TRPC5: variants seen among roughly 807,000 people sequenced by gnomAD.
The protein encoded by TRPC5 is transient receptor potential cation channel subfamily C member 5.
In TRPC5, 9 loss-of-function variants were observed where a neutral mutation model predicts 56.5. The ratio of observed to expected loss-of-function variants is 0.16; its 90% CI spans 0.10 to 0.28. The LOEUF (loss-of-function observed/expected upper bound fraction) is 0.28. Among genes scored for constraint, TRPC5 ranks in the 10% least tolerant of loss-of-function variants. TRPC5 has a pLI of 1.00. For missense variants in TRPC5, 469 were observed against 748.9 expected, an observed-to-expected ratio of 0.63 and a Z score of 4.36; for synonymous variants, 282 against 278.5, an observed-to-expected ratio of 1.01 and a Z score of -0.13.
chrX:112,034,119 T>C (rs1361089852), intron 1 of TRPC5, among the ~76,000 whole-genome samples: 3 of 111,420 alleles, frequency 2.7e-5, no homozygotes, highest in Non-Finnish European at 5.6e-5. Context: ...TTGGGGACCC[T>C]TGCAATTTGA....
At chrX:111,886,258 C>A (rs372110975) in intron 3 of TRPC5, among the ~76,000 whole-genome samples, 2 of 112,325 alleles carry the variant, frequency 1.8e-5, no homozygotes, top group Non-Finnish European at 3.8e-5. Context: ...CCAGCCTGGG[C>A]GACAAGAGTG....
At chrX:111,891,836 C>T (rs749279316) in intron 3 of TRPC5, among the ~76,000 whole-genome samples, 23 of 111,767 alleles carry the variant, frequency 2.1e-4, no homozygotes, top group Middle Eastern at 4.6e-3. Context: ...AGTGAGCCAC[C>T]GCGCTTGGCC....
rs1487915359 is a variant in TRPC5 at position 112,032,304 on chromosome X, T to C, written c.-22+49575A>G. The stretch of plus-strand genomic sequence containing the variant: ...CTGTTACACACTGCTGGTGAGAAGG[T>C]GAATTAGTACAACCATTATGGACAA... On this transcript the variant is annotated intron_variant, in intron 1 of 10. Coordinates refer to ENST00000262839, the MANE Select transcript of TRPC5 (RefSeq NM_012471.3). Among the ~76,000 whole-genome samples the C allele has an allele frequency of 5.6e-5, 6 of 107,780 alleles. No individual in the cohort carries two copies. The East Asian group carries it at 1.7e-3, about 31-fold the overall frequency. The allele number at this position is 107,780 out of a possible 115,157, so 93.6% of individuals were successfully genotyped here.
chrX:112,052,591 C>T (rs1203938087), intron 1 of TRPC5, among the ~76,000 whole-genome samples: 5 of 111,727 alleles, frequency 4.5e-5, no homozygotes, highest in Non-Finnish European at 9.4e-5. Context: ...CCTTTTCACT[C>T]TGTTGAGTCC....
intron 7 of TRPC5, among the ~76,000 whole-genome samples, chrX:111,812,316 C>A (rs898703229): frequency 5.4e-5 from 6 of 110,926 alleles, no homozygotes; most frequent in Admixed American, 3.9e-4. Context: ...CTTTCTGGTG[C>A]CCCTCATTGC....
Position 111,781,209 on chromosome X carries a change from A to G in TRPC5, c.2101-3T>C. 8.3e-7 allele frequency: 1 copy of G among 1,206,378 alleles called. No homozygotes were observed. Among genetic ancestry groups the G allele is most frequent in the Non-Finnish European group, 1.1e-6 (1 of 890,916 alleles). ...ATCAGGCTGTCAGCATTGCGTTCCTATAATTGAAAATAGACAGAGATGTTA... is the reference window on the plus strand; with the variant it reads ...ATCAGGCTGTCAGCATTGCGTTCCTGTAATTGAAAATAGACAGAGATGTTA... On this transcript the variant is annotated splice_region_variant and splice_polypyrimidine_tract_variant and intron_variant, in intron 8 of 10. Coordinates refer to ENST00000262839, the MANE Select transcript of TRPC5 (RefSeq NM_012471.3).
At chrX:111,890,059 G>A (rs1356382795) in intron 3 of TRPC5, among the ~76,000 whole-genome samples, 1 of 111,608 alleles carries the variant, frequency 9.0e-6, no homozygotes, top group African/African-American at 3.3e-5. Context: ...TGTGGGTTCT[G>A]CATCCATGGA....
chrX:111,942,569 T>C (rs1028439095), intron 2 of TRPC5, among the ~76,000 whole-genome samples: 3 of 111,546 alleles, frequency 2.7e-5, no homozygotes, highest in Admixed American at 9.5e-5. Context: ...CCACAGGATC[T>C]TGAAACTCCC....
chrX:111,867,490 C>CTT (rs1435309186), intron 3 of TRPC5, among the ~76,000 whole-genome samples: 171 of 87,516 alleles, frequency 2.0e-3, no homozygotes, highest in African/African-American at 0.019. Context: ...GAGGTGTGAC[C>CTT]TCTCTCCTTG....
chrX:111,956,261 A>G (rs1328779302), intron 1 of TRPC5, among the ~76,000 whole-genome samples: 1 of 112,038 alleles, frequency 8.9e-6, no homozygotes, highest in East Asian at 2.8e-4. Context: ...GTATCTGTGC[A>G]TGGCTTGCAC....
intron 1 of TRPC5, among the ~76,000 whole-genome samples, chrX:111,995,064 T>C (rs1361982224): frequency 2.7e-5 from 3 of 112,045 alleles, no homozygotes; most frequent in African/African-American, 6.5e-5. Context: ...GGAATACTTC[T>C]AGTTTCTGCC....
intron 1 of TRPC5, among the ~76,000 whole-genome samples, chrX:112,002,426 G>C (rs1405683727): frequency 9.0e-6 from 1 of 111,277 alleles, no homozygotes; most frequent in Non-Finnish European, 1.9e-5. Flanking sequence ...TGAGTAGCTG[G>C]GACTACAGAC....
intron 2 of TRPC5, among the ~76,000 whole-genome samples, chrX:111,944,304 G>GTGTGTGAA (rs1556592186): frequency 1.5e-3 from 102 of 70,246 alleles, no homozygotes; most frequent in South Asian, 4.5e-3. Context: ...GTGTGTGTGT[G>GTGTGTGAA]AGAGAGAGAG....
In TRPC5 at chrX:111,775,940, G is replaced by A. The variant is rs1219528072; in HGVS notation, c.*373C>T. 1 of 135,435 alleles carries A rather than the reference G, an allele frequency of 7.4e-6. No homozygotes were observed. Among genetic ancestry groups the A allele is most frequent in the Non-Finnish European group, 1.5e-5 (1 of 68,950 alleles). The allele number at this position is 135,435 out of a possible 1,213,427, so 11.2% of individuals were successfully genotyped here. On this transcript the variant is annotated 3_prime_UTR_variant, in exon 11 of 11. Transcript: ENST00000262839. ...GCGGGAAAATGGCATGAGATTCTGA[G>A]GATGGTCAGGAATCTGTGCGGCAAC...
intron 7 of TRPC5, among the ~76,000 whole-genome samples, chrX:111,819,308 A>T (rs757625678): frequency 9.0e-6 from 1 of 111,527 alleles, no homozygotes; most frequent in African/African-American, 3.3e-5. Flanking sequence ...CCCTTTAGAG[A>T]TTCTGCATTC....
At chrX:111,989,300 C>A (rs140839496) in intron 1 of TRPC5, among the ~76,000 whole-genome samples, 1,216 of 111,772 alleles carry the variant, frequency 0.011, 3 homozygotes, top group Non-Finnish European at 0.017. Flanking sequence ...ATATTTTGGG[C>A]TGAGGCATGA....
intron 2 of TRPC5, among the ~76,000 whole-genome samples, chrX:111,950,061 A>C (rs1450676104): frequency 8.9e-6 from 1 of 111,762 alleles, no homozygotes; most frequent in African/African-American, 3.3e-5. Context: ...GCGGTGGCTC[A>C]CGCCTGTAAT....
At chrX:112,038,981 C>T (rs771937618) in intron 1 of TRPC5, among the ~76,000 whole-genome samples, 10 of 108,885 alleles carry the variant, frequency 9.2e-5, no homozygotes, top group East Asian at 8.8e-4. Context: ...TGAGCCACCG[C>T]GCCCAGCCTA....
chrX:111,793,397 T>C (rs1345574095), intron 7 of TRPC5, among the ~76,000 whole-genome samples: 1 of 112,020 alleles, frequency 8.9e-6, no homozygotes, highest in Non-Finnish European at 1.9e-5. Context: ...ATCGTTTGAA[T>C]AGACATTTCT....
Sources: gnomAD v4.1 joint callset for allele counts (sites outside exome capture counted in the v4.1 genomes callset) on GRCh38, gnomAD v4.1.1 for gene constraint, MANE v1.5 for transcripts, NCBI Gene and HGNC (gene_info 2026-07-23, HGNC 2026-07-21) for gene names.